SON: variants seen among roughly 807,000 people sequenced by gnomAD.
SON encodes SON DNA and RNA binding protein, also known as protein SON.
Under a neutral mutation model 173.3 loss-of-function variants are expected in SON, and 4 were observed. That is an observed-to-expected ratio of 0.02 (90% CI 0.01 to 0.05). SON has a LOEUF of 0.05. Among genes scored for constraint, SON ranks in the 10% least tolerant of loss-of-function variants. The probability of loss-of-function intolerance (pLI) is 1.00; values close to 1 mark genes in which losing one functional copy is unlikely to be tolerated. For missense variants in SON, 2,626 were observed against 3,055.3 expected (o/e 0.86, Z 3.31); for synonymous variants, 1,190 against 1,105.9 (o/e 1.08, Z -1.51).
intron 2 of SON, among the ~76,000 whole-genome samples, chr21:33,549,221 C>T (rs138618675): frequency 4.6e-4 from 70 of 151,688 alleles, no homozygotes; most frequent in Non-Finnish European, 8.1e-4. Flanking sequence ...ACTACAGGTG[C>T]GCGTCACCAT....
rs775406039 is a variant in SON at position 33,555,003 on chromosome 21, CCCAAGTCGTCGGAGTCGGAGTCATACT to C, written c.5784_5810del (p.Ser1929_Arg1937del). ...AGACAGTTAGAGCTCGAAGTCGAAC[CCCAAGTCGTCGGAGTCGGAGTCATACT>C]CCAAGTCGTCGACGAAGGTCTAGAT... is the stretch of plus-strand genomic sequence containing the variant. On this transcript the variant is annotated inframe_deletion, in exon 3 of 12. Transcript: ENST00000356577. The C allele has an allele frequency of 2.3e-5, 37 of 1,613,306 alleles. No individual in the cohort carries two copies. In the African/African-American group the frequency reaches 2.8e-4, roughly 12 times the overall value.
At chr21:33,564,613 A>G (rs1417558976) in intron 6 of SON, among the ~76,000 whole-genome samples, 1 of 152,168 alleles carries the variant, frequency 6.6e-6, no homozygotes, top group African/African-American at 2.4e-5. Flanking sequence ...GTAATCCCAG[A>G]AATTTGGGAG....
At chr21:33,562,508 T>C (rs1257140029) in intron 6 of SON, among the ~76,000 whole-genome samples, 1 of 152,232 alleles carries the variant, frequency 6.6e-6, no homozygotes, top group Non-Finnish European at 1.5e-5. Flanking sequence ...CTGTAATCCC[T>C]AATCCCACCA....
intron 6 of SON, among the ~76,000 whole-genome samples, chr21:33,561,861 C>G (rs1278001094): frequency 6.6e-6 from 1 of 151,926 alleles, no homozygotes; most frequent in African/African-American, 2.4e-5. Context: ...AAAGAAGAAT[C>G]CTAGAAGGTA....
At chr21:33,573,995 A>C (rs935643496) in intron 9 of SON, among the ~76,000 whole-genome samples, 1 of 152,160 alleles carries the variant, frequency 6.6e-6, no homozygotes, top group African/African-American at 2.4e-5. Context: ...GCCTTGTGTT[A>C]AGGCATCTTG....
rs567952884 is a variant in SON at position 33,553,499 on chromosome 21, C to T, written c.4268C>T (p.Ala1423Val). The change falls in exon 3 of 12, where the codon GCG (alanine) becomes GTG (valine). Residue 1423 changes from alanine (A) to valine (V), a missense_variant. Around this residue, in one of 13 missense-constraint regions of SON, gnomAD observed 1,006 missense variants for 895.6 expected, o/e 1.12. Coordinates refer to ENST00000356577, the MANE Select transcript of SON (RefSeq NM_138927.4). ...LEPSVPVLEPAVSVLQPSMIV... is the reference protein window; with the variant it reads ...LEPSVPVLEPVVSVLQPSMIV... ...CCTTCTGTGCCTGTTCTGGAACCAG[C>T]GGTGTCAGTCCTTCAACCTTCTATG... The T allele has an allele frequency of 1.8e-5, 29 of 1,614,092 alleles. No homozygotes were observed. The highest frequency in any genetic ancestry group is 2.7e-5 in the African/African-American group (2 of 74,928).
At chr21:33,575,989 A>T in intron 11 of SON, 96 bp downstream of exon 11, 2 of 624,706 alleles carry the variant, frequency 3.2e-6, no homozygotes, top group Non-Finnish European at 5.5e-6. Flanking sequence ...GATTCTGTTC[A>T]TGGGTGGGGG....
Position 33,557,372 on chromosome 21 carries a change from C to G in SON, c.6321+56C>G, listed in dbSNP as rs542776675. ...AAATGGATTATTCCAGTGATGTTGA[C>G]TCTGGAGCGTGCCAAAACCCGAATT... is the stretch of plus-strand genomic sequence containing the variant. On this transcript the variant is annotated intron_variant, in intron 4 of 11. Coordinates refer to ENST00000356577, the MANE Select transcript of SON (RefSeq NM_138927.4). The G allele has an allele frequency of 9.7e-5, 155 of 1,596,430 alleles. No individual in the cohort carries two copies. In the African/African-American group the frequency reaches 1.9e-3, roughly 20 times the overall value.
intron 6 of SON, among the ~76,000 whole-genome samples, chr21:33,565,291 C>T (rs1395675465): frequency 6.6e-6 from 1 of 152,170 alleles, no homozygotes; most frequent in Non-Finnish European, 1.5e-5. Flanking sequence ...TGGGTAGACA[C>T]ATTTTCCCCA....
chr21:33,557,131 G>A (rs2085984545), intron 3 of SON, 25 bp from the exon 4 acceptor site: 1 of 1,596,304 alleles, frequency 6.3e-7, no homozygotes, highest in African/African-American at 1.4e-5. Flanking sequence ...TAGGAAAACT[G>A]CAGCTTGTAT....
At chr21:33,565,784 CTTAA>C (rs2086158252) in intron 6 of SON, among the ~76,000 whole-genome samples, 1 of 152,130 alleles carries the variant, frequency 6.6e-6, no homozygotes, top group Non-Finnish European at 1.5e-5. Flanking sequence ...CATAAACAGT[CTTAA>C]TTACAGAAAG....
At chr21:33,572,767 A>AT in intron 8 of SON, 19 of 289,086 alleles carry the variant, frequency 6.6e-5, no homozygotes, top group South Asian at 1.4e-4. Flanking sequence ...AAATTTCAAG[A>AT]GTTTTTTTTT....
At chr21:33,546,410 A>T (rs2085618207) in intron 2 of SON, 31 bp downstream of exon 2, 1 of 1,555,932 alleles carries the variant, frequency 6.4e-7, no homozygotes, top group African/African-American at 1.4e-5. Context: ...TGTCTCAAAA[A>T]TTTTCTTTTA....
intron 1 of SON, among the ~76,000 whole-genome samples, chr21:33,545,100 G>A (rs1437013833): frequency 6.6e-6 from 1 of 152,160 alleles, no homozygotes; most frequent in East Asian, 1.9e-4. Flanking sequence ...GTTATAGATG[G>A]TGTGTAAGAA....
At chr21:33,548,911 CAT>C (rs373624832) in intron 2 of SON, among the ~76,000 whole-genome samples, 25 of 152,234 alleles carry the variant, frequency 1.6e-4, no homozygotes, top group African/African-American at 6.0e-4. Flanking sequence ...TTTAGTGAAA[CAT>C]GTCTTAATGT....
chr21:33,568,146 C>A (rs1490684347), intron 7 of SON, among the ~76,000 whole-genome samples: 1 of 152,196 alleles, frequency 6.6e-6, no homozygotes, highest in East Asian at 1.9e-4. Context: ...GACAGCTGAT[C>A]TTTATCACAA....
chr21:33,568,207 T>C (rs1041101479), intron 7 of SON, among the ~76,000 whole-genome samples: 5 of 152,348 alleles, frequency 3.3e-5, no homozygotes, highest in Admixed American at 1.3e-4. Context: ...AAAAGTTGTT[T>C]TACGGCCGGG....
rs747540807 is a variant in SON, at chr21:33,550,149, TGTG to T, written c.921_923del (p.Val308del). 14 of 1,614,062 alleles carry T rather than the reference TGTG, an allele frequency of 8.7e-6. No homozygotes were observed. In the African/African-American group the frequency reaches 1.6e-4, roughly 18 times the overall value. ...AAGTGTTAGAGCCTTCAGAAACCCT[TGTG>T]GTATCATCAGAGACACCTACTGAGG... On this transcript the variant is annotated inframe_deletion, in exon 3 of 12. Coordinates refer to ENST00000356577, the MANE Select transcript of SON (RefSeq NM_138927.4).
At chr21:33,563,558 T>G (rs2086109460) in intron 6 of SON, among the ~76,000 whole-genome samples, 1 of 152,184 alleles carries the variant, frequency 6.6e-6, no homozygotes, top group Non-Finnish European at 1.5e-5. Flanking sequence ...ATTTTCTGGT[T>G]ATAGGTATTT....
Sources: gnomAD v4.1 joint callset for allele counts (sites outside exome capture counted in the v4.1 genomes callset) on GRCh38, gnomAD v4.1.1 for gene constraint, gnomAD v4.1.1 regional missense constraint, MANE v1.5 for transcripts, NCBI Gene and HGNC (gene_info 2026-07-23, HGNC 2026-07-21) for gene names.